Variants in KCNH1 observed in about 807,000 individuals in gnomAD.
KCNH1 encodes the protein potassium voltage-gated channel subfamily H member 1.
Under a neutral mutation model 69.2 loss-of-function variants are expected in KCNH1, and 27 were observed. The ratio of observed to expected loss-of-function variants is 0.39; its 90% CI spans 0.29 to 0.54. KCNH1 has a LOEUF of 0.54. Ranked by LOEUF, KCNH1 falls within the 20% of genes least tolerant of loss-of-function variation. The probability of loss-of-function intolerance (pLI) is 0.68; values close to 1 mark genes in which losing one functional copy is unlikely to be tolerated. For missense variants in KCNH1, 798 were observed against 1,261.6 expected (o/e 0.63, Z 5.57); for synonymous variants, 456 against 487.7 (o/e 0.93, Z 0.86).
At chr1:210,693,984 A>G in intron 10 of KCNH1, among the ~76,000 whole-genome samples, 1 of 152,122 alleles carries the variant, frequency 6.6e-6, no homozygotes, top group East Asian at 1.9e-4. Flanking sequence ...TTGCCCGCTT[A>G]TGTCTCCACT....
rs759685251 is a variant in KCNH1 at position 210,830,945 on chromosome 1, G to T, written c.1463-26779C>A. ...CACCATTAAGCTTCAATTAAGGAAT[G>T]TATTTAGGTAACCAGCACTGGTTTT... On this transcript the variant is annotated intron_variant, in intron 7 of 10. Transcript: ENST00000271751. Among the ~76,000 whole-genome samples the T allele has an allele frequency of 1.1e-4, 16 of 152,186 alleles. 1 individual carries two copies. Among genetic ancestry groups the T allele is most frequent in the Non-Finnish European group, 2.1e-4 (14 of 68,042 alleles).
At chr1:210,997,868 A>G (rs1225620678) in intron 6 of KCNH1, among the ~76,000 whole-genome samples, 1 of 152,236 alleles carries the variant, frequency 6.6e-6, no homozygotes, top group Non-Finnish European at 1.5e-5. Context: ...CAACATTCTT[A>G]AAGAAAAGAA....
At chr1:210,875,456 T>C (rs183314080) in intron 7 of KCNH1, among the ~76,000 whole-genome samples, 1 of 152,312 alleles carries the variant, frequency 6.6e-6, no homozygotes, top group African/African-American at 2.4e-5. Flanking sequence ...TTATTAGAAC[T>C]ATTAGGAGGG....
Position 210,986,885 on chromosome 1 carries a change from A to T in KCNH1, c.1032+31898T>A, listed in dbSNP as rs143235254. On this transcript the variant is annotated intron_variant, in intron 6 of 10. Coordinates refer to ENST00000271751, the MANE Select transcript of KCNH1 (RefSeq NM_172362.3). ...ATAATATCCTGCAGAGTGTTTTCCA[A>T]CTTGGTTCCATTCTCCCCATCACTT... Among the ~76,000 whole-genome samples, 766 of 152,328 alleles carry T rather than the reference A, an allele frequency of 5.0e-3. 9 individuals are homozygous for T. Among genetic ancestry groups the T allele is most frequent in the African/African-American group, 0.018 (730 of 41,572 alleles).
chr1:211,070,982 T>G (rs1175968163), intron 5 of KCNH1, among the ~76,000 whole-genome samples: 1 of 152,156 alleles, frequency 6.6e-6, no homozygotes, highest in Non-Finnish European at 1.5e-5. Flanking sequence ...ACTAATAGCC[T>G]ACTACTGACC....
intron 6 of KCNH1, among the ~76,000 whole-genome samples, chr1:211,014,958 G>C (rs1689466314): frequency 6.6e-6 from 1 of 152,288 alleles, no homozygotes; most frequent in African/African-American, 2.4e-5. Context: ...CCCTCAGCCT[G>C]ATCTGGGTTC....
chr1:211,051,676 T>C (rs1690208294), intron 5 of KCNH1, among the ~76,000 whole-genome samples: 1 of 152,192 alleles, frequency 6.6e-6, no homozygotes. Context: ...TTTGGTCTTG[T>C]AAGTCACCAT....
intron 6 of KCNH1, among the ~76,000 whole-genome samples, chr1:210,927,314 G>T (rs1393206860): frequency 1.3e-5 from 2 of 152,172 alleles, no homozygotes; most frequent in African/African-American, 2.4e-5. Context: ...TGAGGCAAAA[G>T]CATCAGGTAA....
intron 7 of KCNH1, among the ~76,000 whole-genome samples, chr1:210,890,012 T>C (rs543865317): frequency 2.0e-5 from 3 of 152,242 alleles, no homozygotes; most frequent in South Asian, 2.1e-4. Flanking sequence ...CAAGCCACCA[T>C]TGACTTTCTT....
At chr1:211,043,452 A>C (rs963013814) in intron 5 of KCNH1, among the ~76,000 whole-genome samples, 5 of 152,200 alleles carry the variant, frequency 3.3e-5, no homozygotes, top group African/African-American at 4.8e-5. Context: ...GTGAGATTGA[A>C]ATGGTAACAA....
intron 9 of KCNH1, among the ~76,000 whole-genome samples, chr1:210,788,253 G>C (rs1256439341): frequency 6.6e-6 from 1 of 151,980 alleles, no homozygotes; most frequent in Non-Finnish European, 1.5e-5. Context: ...TTAACATTTT[G>C]GTATACTTTC....
At position 210,685,179 on chromosome 1, in the gene KCNH1, T is replaced by A. The variant is rs1272964551; in HGVS notation, c.2113-1041A>T. On this transcript the variant is annotated intron_variant, in intron 10 of 10. Transcript: ENST00000271751. Reference sequence around the variant, plus strand: ...TCTGACTATGGGAAAGCCCCAAAATTTCTAGCTTACATTGCATGTGGCAGT... The same window carrying A: ...TCTGACTATGGGAAAGCCCCAAAATATCTAGCTTACATTGCATGTGGCAGT... Among the ~76,000 whole-genome samples, 6 of 152,190 alleles carry A rather than the reference T, an allele frequency of 3.9e-5. No individual in the cohort carries two copies. In the East Asian group the frequency reaches 1.2e-3, roughly 29 times the overall value.
At chr1:210,934,194 T>C (rs1399638353) in intron 6 of KCNH1, among the ~76,000 whole-genome samples, 2 of 152,114 alleles carry the variant, frequency 1.3e-5, no homozygotes, top group African/African-American at 2.4e-5. Context: ...TGGGATTATA[T>C]AAAACTGCAA....
chr1:211,050,309 A>G lies in KCNH1; in HGVS notation c.559-31053T>C, dbSNP rs1227645291. On this transcript the variant is annotated intron_variant, in intron 5 of 10. Transcript: ENST00000271751. ...AAAAAAAGGACAGCTTGATGCTAAC[A>G]AGGCTGGGGTGGCGCTCTAGTCACA... Among the ~76,000 whole-genome samples the G allele has an allele frequency of 3.4e-5, 5 of 146,626 alleles. No individual in the cohort carries two copies. The East Asian group carries it at 1.0e-3, about 30-fold the overall frequency.
In KCNH1 at chr1:210,683,242, G is replaced by C; in HGVS notation, c.*39C>G. 1.3e-6 allele frequency: 2 copies of C among 1,585,338 alleles called. No homozygotes were observed. Among genetic ancestry groups the C allele is most frequent in the Non-Finnish European group, 1.7e-6 (2 of 1,165,150 alleles). On this transcript the variant is annotated 3_prime_UTR_variant, in exon 11 of 11. Transcript: ENST00000271751. The surrounding 1 kb of genome is among the most constrained non-coding windows in gnomAD (Gnocchi z 5.7). ...TAGGGGTGGTGGTGACGGCAGGGTT[G>C]GAGGTATCTGTCTCTGACTTTTTTT...
At chr1:210,880,415 G>A (rs1393074049) in intron 7 of KCNH1, among the ~76,000 whole-genome samples, 1 of 152,148 alleles carries the variant, frequency 6.6e-6, no homozygotes, top group Non-Finnish European at 1.5e-5. Flanking sequence ...CAACAGAATA[G>A]AAAGCCCAGA....
chr1:210,688,897 G>T (rs1388057627), intron 10 of KCNH1, among the ~76,000 whole-genome samples: 2 of 152,190 alleles, frequency 1.3e-5, no homozygotes, highest in African/African-American at 4.8e-5. Context: ...CTCTGTTCCT[G>T]GCATGGGTTC....
intron 6 of KCNH1, among the ~76,000 whole-genome samples, chr1:210,933,933 G>GAA (rs1367280005): frequency 6.6e-6 from 1 of 152,176 alleles, no homozygotes; most frequent in Non-Finnish European, 1.5e-5. Context: ...ATACATTGGG[G>GAA]AAAGGACAGT....
At chr1:210,809,436 A>G (rs910361685) in intron 7 of KCNH1, among the ~76,000 whole-genome samples, 1 of 152,200 alleles carries the variant, frequency 6.6e-6, no homozygotes, top group African/African-American at 2.4e-5. Context: ...AGGGAGAAGA[A>G]TAAGACAAAG....
Sources: gnomAD v4.1 joint callset for allele counts (sites outside exome capture counted in the v4.1 genomes callset) on GRCh38, gnomAD v4.1.1 for gene constraint, Gnocchi (gnomAD v3.1) non-coding constraint, MANE v1.5 for transcripts, NCBI Gene and HGNC (gene_info 2026-07-23, HGNC 2026-07-21) for gene names.